The following TMEM150A variants were observed in gnomAD, a reference collection of about 807,000 sequenced individuals.
The protein encoded by TMEM150A is fasting-inducible integral membrane protein TM6P1.
TMEM150A carries 18 observed loss-of-function variants against 29.8 expected under a neutral mutation model. The observed-to-expected ratio is 0.60, with a 90% CI of 0.42 to 0.90. The LOEUF is 0.90. TMEM150A is among the 40% of genes least tolerant of loss of function. The probability of loss-of-function intolerance (pLI) is 0.00; values close to 1 mark genes in which losing one functional copy is unlikely to be tolerated. For synonymous variants in TMEM150A, 127 were observed against 143.6 expected (o/e 0.88, Z 0.83); for missense variants, 251 against 349.7 (o/e 0.72, Z 2.25).
rs935582169 is a variant in TMEM150A at position 85,601,274 on chromosome 2, G to A, written c.113+161C>T. The A allele has an allele frequency of 6.1e-6, 7 of 1,155,102 alleles. No individual in the cohort carries two copies. Among genetic ancestry groups the A allele is most frequent in the Non-Finnish European group, 9.1e-6 (7 of 767,088 alleles). 71.6% of individuals were successfully genotyped at this position (1,155,102 alleles called of 1,614,324 possible). Reference sequence around the variant, plus strand: ...CAGTAACCAAAGGGGCAAAGGGATAGTGGGAAGTGGGTAGGTGGCAAGAAG... The same window carrying A: ...CAGTAACCAAAGGGGCAAAGGGATAATGGGAAGTGGGTAGGTGGCAAGAAG... On this transcript the variant is annotated intron_variant, in intron 3 of 7. Transcript: ENST00000334462. The surrounding 1 kb of genome is among the most constrained non-coding windows in gnomAD (Gnocchi z 4.0).
Position 85,601,326 on chromosome 2 carries a change from A to C in TMEM150A, c.113+109T>G, listed in dbSNP as rs1185237935. The C allele has an allele frequency of 7.1e-7, 1 of 1,409,306 alleles. No homozygotes were observed. Among genetic ancestry groups the C allele is most frequent in the African/African-American group, 1.4e-5 (1 of 70,790 alleles). 87.3% of individuals were successfully genotyped at this position (1,409,306 alleles called of 1,614,324 possible). A position where few individuals can be genotyped will look rare whatever the true frequency, so the allele number is the denominator to read the frequency against. On this transcript the variant is annotated intron_variant, in intron 3 of 7. Coordinates refer to ENST00000334462, the MANE Select transcript of TMEM150A (RefSeq NM_001031738.3). This position sits in a 1 kb window ranked among gnomAD's most constrained non-coding sequence, Gnocchi z 4.0. ...CATGCCTGGGGACCAATTTCAGAGAAGAGCAGTGAGGCTCAGGGTTGCAGT... is the reference window on the plus strand; with the variant it reads ...CATGCCTGGGGACCAATTTCAGAGACGAGCAGTGAGGCTCAGGGTTGCAGT...
At position 85,601,719 on chromosome 2, in the gene TMEM150A, C is replaced by G; in HGVS notation, c.65+165G>C. 1 of 922,190 alleles carries G rather than the reference C, an allele frequency of 1.1e-6. No individual in the cohort carries two copies. The highest frequency in any genetic ancestry group is 1.7e-6 in the Non-Finnish European group (1 of 585,098). 57.1% of individuals were successfully genotyped at this position (922,190 alleles called of 1,614,324 possible). ...TATTTGTCAGGGCCACCCTGCTGGA[C>G]AGCAGTGGTGCCAGCTTGTCCCAAG... On this transcript the variant is annotated intron_variant, in intron 2 of 7. Coordinates refer to ENST00000334462, the MANE Select transcript of TMEM150A (RefSeq NM_001031738.3). This position sits in a 1 kb window ranked among gnomAD's most constrained non-coding sequence, Gnocchi z 4.0.
chr2:85,600,275 C>T (rs1032383042), intron 5 of TMEM150A, 70 bp downstream of exon 5: 32 of 1,571,790 alleles, frequency 2.0e-5, no homozygotes, highest in Non-Finnish European at 2.7e-5. Context: ...CACAGAAGGG[C>T]TTCCTGGGCC....
rs371168742 is a variant in TMEM150A at position 85,601,038 on chromosome 2, G to A, written c.183C>T (p.Asp61=). ...GGCCTTACCTGATGAGGGGGACATC[G>A]TCCAGGGTGCAGCAGGTCTTGGGAC... ...QGGPKTCCTL[D]DVPLISKCGS... The change falls in exon 4 of 8, where the codon GAC becomes GAT. Residue 61 remains aspartate (D), a synonymous_variant. Transcript: ENST00000334462. The surrounding 1 kb of genome is among the most constrained non-coding windows in gnomAD (Gnocchi z 4.0). 1.9e-5 allele frequency: 31 copies of A among 1,612,584 alleles called. No individual in the cohort carries two copies. The highest frequency in any genetic ancestry group is 1.7e-4 in the Middle Eastern group (1 of 5,976).
In TMEM150A at chr2:85,599,812, C is replaced by T; in HGVS notation, c.396+79G>A. The stretch of plus-strand genomic sequence containing the variant: ...TCCTTCCTCTCCCTCTTTCCAGCCC[C>T]AACCTTGAGGTGCCACACTGCAGGC... On this transcript the variant is annotated intron_variant, in intron 6 of 7. Transcript: ENST00000334462. This position sits in a 1 kb window ranked among gnomAD's most constrained non-coding sequence, Gnocchi z 6.0. The T allele has an allele frequency of 6.2e-7, 1 of 1,607,132 alleles. No homozygotes were observed. The highest frequency in any genetic ancestry group is 8.5e-7 in the Non-Finnish European group (1 of 1,176,220).
At position 85,601,145 on chromosome 2, in the gene TMEM150A, C is replaced by T; in HGVS notation, c.114-38G>A. The T allele has an allele frequency of 6.2e-7, 1 of 1,600,520 alleles. No homozygotes were observed. The highest frequency in any genetic ancestry group is 1.1e-5 in the South Asian group (1 of 90,416). On this transcript the variant is annotated intron_variant, in intron 3 of 7. Transcript: ENST00000334462. The surrounding 1 kb of genome is among the most constrained non-coding windows in gnomAD (Gnocchi z 4.0). ...ACAGGGAGTAGACTGGGGGAAGGGA[C>T]TGCCCCCAGGCCCTTGGCCTATAGC...
Position 85,599,443 on chromosome 2 carries a change from G to C in TMEM150A, c.574+82C>G. 1 of 1,566,980 alleles carries C rather than the reference G, an allele frequency of 6.4e-7. No homozygotes were observed. The highest frequency in any genetic ancestry group is 2.2e-5 in the East Asian group (1 of 44,516). Reference sequence around the variant, plus strand: ...TCCTCTCCCCCACATGGCAGTGTTAGGCCTCCACCCCCCATCCTCTTGGGA... The same window carrying C: ...TCCTCTCCCCCACATGGCAGTGTTACGCCTCCACCCCCCATCCTCTTGGGA... On this transcript the variant is annotated intron_variant, in intron 7 of 7. Transcript: ENST00000334462. The surrounding 1 kb of genome is among the most constrained non-coding windows in gnomAD (Gnocchi z 6.0).
chr2:85,601,556 A>C lies in TMEM150A; in HGVS notation c.66-74T>G. 6.5e-7 allele frequency: 1 copy of C among 1,539,306 alleles called. No homozygotes were observed. Among genetic ancestry groups the C allele is most frequent in the East Asian group, 2.3e-5 (1 of 44,224 alleles). On this transcript the variant is annotated intron_variant, in intron 2 of 7. Transcript: ENST00000334462. The surrounding 1 kb of genome is among the most constrained non-coding windows in gnomAD (Gnocchi z 4.0). ...ACCCACCCCATGACCCTTCTCTTCA[A>C]CCTTGATTTCTGGCCCCATTCAGCC...
In TMEM150A at chr2:85,599,622, A is replaced by T; in HGVS notation, c.477T>A (p.Cys159Ter). 6.2e-7 allele frequency: 1 copy of T among 1,613,792 alleles called. No homozygotes were observed. Among genetic ancestry groups the T allele is most frequent in the Non-Finnish European group, 8.5e-7 (1 of 1,179,860 alleles). Reference protein sequence around the residue: ...PAGLLFVCLHCALSYQGATAP... With the variant: ...PAGLLFVCLH ...CGGTGGCCCCTTGGTAGGAGAGAGC[A>T]CAGTGCAGGCAAACAAAGAGCAGCC... Residue 159 changes from cysteine (C) to a stop codon, truncating the protein, a stop_gained, in exon 7 of 8, where the codon TGT becomes TGA. Transcript: ENST00000334462. LOFTEE classifies it high-confidence loss of function. This position sits in a 1 kb window ranked among gnomAD's most constrained non-coding sequence, Gnocchi z 6.0.
At position 85,598,623 on chromosome 2, in the gene TMEM150A, G is replaced by A. The variant is rs1573356429; in HGVS notation, c.*453C>T. The A allele has an allele frequency of 5.9e-6, 1 of 169,598 alleles. No individual in the cohort carries two copies. The highest frequency in any genetic ancestry group is 2.4e-5 in the African/African-American group (1 of 41,994). 10.5% of individuals were successfully genotyped at this position (169,598 alleles called of 1,614,324 possible). A position where few individuals can be genotyped will look rare whatever the true frequency, so the allele number is the denominator to read the frequency against. On this transcript the variant is annotated 3_prime_UTR_variant, in exon 8 of 8. Transcript: ENST00000334462. ...GTTCTGCTGTGTTATTTGCCCTAAA[G>A]GAAGTGAGGGGCAGAGTGAAGAATC...
chr2:85,602,371 G>C lies in TMEM150A; in HGVS notation c.-117+236C>G, dbSNP rs953938593. 3 of 154,450 alleles carry C rather than the reference G, an allele frequency of 1.9e-5. No individual in the cohort carries two copies. The highest frequency in any genetic ancestry group is 4.3e-5 in the Non-Finnish European group (3 of 69,494). The allele number at this position is 154,450 out of a possible 1,614,324, so 9.6% of individuals were successfully genotyped here. ...CCACGCCAAGGAGAGGCTGGGTGCC[G>C]GCCCAGTGGAGCGGTGGCGAGTCGG... On this transcript the variant is annotated intron_variant, in intron 1 of 7. Coordinates refer to ENST00000334462, the MANE Select transcript of TMEM150A (RefSeq NM_001031738.3). This position sits in a 1 kb window ranked among gnomAD's most constrained non-coding sequence, Gnocchi z 5.6.
chr2:85,601,767 G>T lies in TMEM150A; in HGVS notation c.65+117C>A. The T allele has an allele frequency of 8.0e-7, 1 of 1,247,634 alleles. No individual in the cohort carries two copies. Among genetic ancestry groups the T allele is most frequent in the Non-Finnish European group, 1.2e-6 (1 of 869,178 alleles). The allele number at this position is 1,247,634 out of a possible 1,614,324, so 77.3% of individuals were successfully genotyped here. A position where few individuals can be genotyped will look rare whatever the true frequency, so the allele number is the denominator to read the frequency against. On this transcript the variant is annotated intron_variant, in intron 2 of 7. Coordinates refer to ENST00000334462, the MANE Select transcript of TMEM150A (RefSeq NM_001031738.3). This position sits in a 1 kb window ranked among gnomAD's most constrained non-coding sequence, Gnocchi z 4.0. ...AAGGGGCTGTGTGCCCAGGCACCAAGTCAGGCTTTTGAGACACCCAGAGTG... is the reference window on the plus strand; with the variant it reads ...AAGGGGCTGTGTGCCCAGGCACCAATTCAGGCTTTTGAGACACCCAGAGTG...
rs749840689 is a variant in TMEM150A at position 85,601,378 on chromosome 2, G to A, written c.113+57C>T. On this transcript the variant is annotated intron_variant, in intron 3 of 7. Transcript: ENST00000334462. The surrounding 1 kb of genome is among the most constrained non-coding windows in gnomAD (Gnocchi z 4.0). ...TGGCTCGTGGCAGCCTCAGGCCCAAGAGGGGACAGAGATGAAGGAAGCTTT... is the reference window on the plus strand; with the variant it reads ...TGGCTCGTGGCAGCCTCAGGCCCAAAAGGGGACAGAGATGAAGGAAGCTTT... 2.5e-6 allele frequency: 4 copies of A among 1,601,836 alleles called. 1 individual carries two copies. In the South Asian group the frequency reaches 4.4e-5, roughly 18 times the overall value.
In TMEM150A at chr2:85,599,279, G is replaced by A; in HGVS notation, c.613C>T (p.His205Tyr). The A allele has an allele frequency of 1.2e-6, 2 of 1,614,150 alleles. No homozygotes were observed. The highest frequency in any genetic ancestry group is 1.7e-6 in the Non-Finnish European group (2 of 1,180,016). Reference sequence around the variant, plus strand: ...ACCCACTCACACAGGGCTGCCCCATGTTGCAGCTGAGAACTCTCATGGACA... The same window carrying A: ...ACCCACTCACACAGGGCTGCCCCATATTGCAGCTGAGAACTCTCATGGACA... ...FFVHESSQLQHGAALCEWVCV... is the reference protein window; with the variant it reads ...FFVHESSQLQYGAALCEWVCV... The change falls in exon 8 of 8, where the codon CAT (histidine) becomes TAT (tyrosine). Residue 205 changes from histidine (H) to tyrosine (Y), a missense_variant. Transcript: ENST00000334462. The surrounding 1 kb of genome is among the most constrained non-coding windows in gnomAD (Gnocchi z 6.0).
At position 85,599,382 on chromosome 2, in the gene TMEM150A, T is replaced by C; in HGVS notation, c.575-65A>G. On this transcript the variant is annotated intron_variant, in intron 7 of 7. Transcript: ENST00000334462. The surrounding 1 kb of genome is among the most constrained non-coding windows in gnomAD (Gnocchi z 6.0). ...AAACCTGGCAACACCCCTTCTGCAG[T>C]CTCAGGCCTCACCTCTCCAAAGGGA... The C allele has an allele frequency of 6.3e-7, 1 of 1,598,556 alleles. No homozygotes were observed. The highest frequency in any genetic ancestry group is 8.5e-7 in the Non-Finnish European group (1 of 1,170,590).
Position 85,601,265 on chromosome 2 carries a change from A to G in TMEM150A, c.114-158T>C. 8.6e-7 allele frequency: 1 copy of G among 1,162,498 alleles called. No homozygotes were observed. Among genetic ancestry groups the G allele is most frequent in the South Asian group, 1.2e-5 (1 of 80,164 alleles). The allele number at this position is 1,162,498 out of a possible 1,614,324, so 72.0% of individuals were successfully genotyped here. On this transcript the variant is annotated intron_variant, in intron 3 of 7. Transcript: ENST00000334462. This position sits in a 1 kb window ranked among gnomAD's most constrained non-coding sequence, Gnocchi z 4.0. Reference sequence around the variant, plus strand: ...CGCCTGAAGCAGTAACCAAAGGGGCAAAGGGATAGTGGGAAGTGGGTAGGT... The same window carrying G: ...CGCCTGAAGCAGTAACCAAAGGGGCGAAGGGATAGTGGGAAGTGGGTAGGT...
chr2:85,600,717 CT>C, intron 4 of TMEM150A: 1 of 551,014 alleles, frequency 1.8e-6, no homozygotes, highest in East Asian at 3.0e-5. Context: ...AATCTGAGGG[CT>C]CCAGCTTAAA....
chr2:85,600,087 C>T, intron 5 of TMEM150A, 69 bp from the exon 6 acceptor site: 1 of 1,588,430 alleles, frequency 6.3e-7, no homozygotes, highest in Non-Finnish European at 8.6e-7. Flanking sequence ...TGTCAGCTTC[C>T]CCCAGACGCT....
In TMEM150A at chr2:85,599,336, A is replaced by G. The variant is rs529208586; in HGVS notation, c.575-19T>C. On this transcript the variant is annotated intron_variant, in intron 7 of 7. Coordinates refer to ENST00000334462, the MANE Select transcript of TMEM150A (RefSeq NM_001031738.3). The surrounding 1 kb of genome is among the most constrained non-coding windows in gnomAD (Gnocchi z 6.0). Reference sequence around the variant, plus strand: ...ACTCCACCTAAAACGAGGCTAAGGAAATGTTCAGTAGGACATACGGAAACC... The same window carrying G: ...ACTCCACCTAAAACGAGGCTAAGGAGATGTTCAGTAGGACATACGGAAACC... 4 of 1,613,452 alleles carry G rather than the reference A, an allele frequency of 2.5e-6. No individual in the cohort carries two copies. The South Asian group carries it at 4.4e-5, about 18-fold the overall frequency.
Sources: gnomAD v4.1 joint callset for allele counts on GRCh38, gnomAD v4.1.1 for gene constraint, Gnocchi (gnomAD v3.1) non-coding constraint, MANE v1.5 for transcripts, NCBI Gene and HGNC (gene_info 2026-07-23, HGNC 2026-07-21) for gene names.